Variants in TRPM3 observed in about 807,000 individuals in gnomAD.
TRPM3 encodes the protein long transient receptor potential channel 3.
Under a neutral mutation model 181.2 loss-of-function variants are expected in TRPM3, and 77 were observed. That is an observed-to-expected ratio of 0.42 (90% confidence interval 0.35 to 0.51). The LOEUF (loss-of-function observed/expected upper bound fraction) is 0.51, where lower values mean the gene tolerates loss of function less well. TRPM3 is among the 20% of genes least tolerant of loss of function. The pLI is 0.01. For missense variants in TRPM3, 1,759 were observed against 2,196.7 expected, an observed-to-expected ratio of 0.80 and a Z score of 3.98; for synonymous variants, 745 against 796.4, an observed-to-expected ratio of 0.94 and a Z score of 1.09.
chr9:70,983,909 C>G (rs1466104966), intron 1 of TRPM3, among the ~76,000 whole-genome samples: 1 of 152,140 alleles, frequency 6.6e-6, no homozygotes. Context: ...ACTGGTTACT[C>G]TACATAGCAG....
chr9:71,052,753 C>A (rs11142678), intron 1 of TRPM3, among the ~76,000 whole-genome samples: 1 of 151,972 alleles, frequency 6.6e-6, no homozygotes, highest in Non-Finnish European at 1.5e-5. Context: ...CCCTAGGTAT[C>A]TAGGAGTTTG....
At chr9:70,581,670 A>G (rs2055717773) in intron 22 of TRPM3, among the ~76,000 whole-genome samples, 1 of 152,190 alleles carries the variant, frequency 6.6e-6, no homozygotes, top group Admixed American at 6.5e-5. Flanking sequence ...AGTGGAAATC[A>G]ACCATCTGCC....
At chr9:71,155,485 T>TATTTTATTTTATTTC (rs1565283910) in intron 1 of TRPM3, among the ~76,000 whole-genome samples, 5 of 116,364 alleles carry the variant, frequency 4.3e-5, no homozygotes, top group African/African-American at 1.7e-4. Flanking sequence ...TGCTTATTTT[T>TATTTTATTTTATTTC]ATTTTATTTT....
chr9:70,938,735 G>A (rs533690807), intron 1 of TRPM3, among the ~76,000 whole-genome samples: 8 of 152,064 alleles, frequency 5.3e-5, no homozygotes, highest in Non-Finnish European at 7.4e-5. Flanking sequence ...GGTGGATCAC[G>A]AGGTCAAGAG....
chr9:70,684,641 A>G (rs1216927010), intron 8 of TRPM3, among the ~76,000 whole-genome samples: 1 of 152,188 alleles, frequency 6.6e-6, no homozygotes, highest in East Asian at 1.9e-4. Flanking sequence ...CCTATCACCC[A>G]TCAATGTTGG....
intron 1 of TRPM3, among the ~76,000 whole-genome samples, chr9:70,882,284 T>C (rs1412032083): frequency 2.0e-5 from 3 of 152,150 alleles, no homozygotes; most frequent in Non-Finnish European, 4.4e-5. Flanking sequence ...GACTCCTAGG[T>C]CTGCCATATT....
intron 1 of TRPM3, among the ~76,000 whole-genome samples, chr9:70,947,555 A>C (rs2096948453): frequency 6.6e-6 from 1 of 152,130 alleles, no homozygotes; most frequent in African/African-American, 2.4e-5. Context: ...CATAAAATGC[A>C]CTTTTGCTCT....
chr9:71,283,686 G>A (rs1367720018), intron 1 of TRPM3, among the ~76,000 whole-genome samples: 1 of 152,178 alleles, frequency 6.6e-6, no homozygotes, highest in Non-Finnish European at 1.5e-5. Context: ...GTGGGCACTT[G>A]GGTATCACAA....
chr9:71,147,602 T>C (rs78605844), intron 1 of TRPM3, among the ~76,000 whole-genome samples: 3,518 of 152,276 alleles, frequency 0.023, 133 homozygotes, highest in African/African-American at 0.08. Context: ...GAGATCTGCG[T>C]TGAGTACTGA....
intron 22 of TRPM3, among the ~76,000 whole-genome samples, chr9:70,583,510 G>T (rs1052777878): frequency 6.6e-6 from 1 of 152,170 alleles, no homozygotes; most frequent in Admixed American, 6.5e-5. Flanking sequence ...TGGAACAAGC[G>T]CTAAATTTAA....
chr9:70,617,155 T>C (rs2062903322), intron 17 of TRPM3, among the ~76,000 whole-genome samples: 1 of 152,196 alleles, frequency 6.6e-6, no homozygotes, highest in Admixed American at 6.5e-5. Context: ...GAATTCTGGG[T>C]GCCTGGCCGG....
intron 1 of TRPM3, among the ~76,000 whole-genome samples, chr9:71,199,905 C>T (rs1039726799): frequency 8.6e-5 from 13 of 151,956 alleles, no homozygotes; most frequent in Non-Finnish European, 1.9e-4. Context: ...TATTTCTTGC[C>T]TTCTGCTAGC....
intron 1 of TRPM3, among the ~76,000 whole-genome samples, chr9:71,171,813 C>T (rs61687197): frequency 0.036 from 5,439 of 152,130 alleles, 338 homozygotes; most frequent in African/African-American, 0.12. Context: ...CTGTGTTACG[C>T]GGCAGCTTCA....
At chr9:71,272,820 C>T (rs1391301536) in intron 1 of TRPM3, among the ~76,000 whole-genome samples, 4 of 151,634 alleles carry the variant, frequency 2.6e-5, no homozygotes, top group Admixed American at 6.6e-5. Context: ...AAATAAGAAG[C>T]CAGGATCTAA....
chr9:70,668,953 C>T (rs554430222), intron 9 of TRPM3, among the ~76,000 whole-genome samples: 2 of 152,282 alleles, frequency 1.3e-5, no homozygotes, highest in South Asian at 2.1e-4. Context: ...GCTGGGAAGT[C>T]GGCAGTGATG....
chr9:71,281,333 G>C (rs998152061), intron 1 of TRPM3, among the ~76,000 whole-genome samples: 4 of 152,190 alleles, frequency 2.6e-5, no homozygotes, highest in African/African-American at 7.2e-5. Flanking sequence ...CAGTTCATAA[G>C]CACCTGGACC....
chr9:71,121,282 T>C lies in TRPM3; in HGVS notation c.73A>G (p.Asn25Asp), dbSNP rs752443932. 1 of 1,613,822 alleles carries C rather than the reference T, an allele frequency of 6.2e-7. No individual in the cohort carries two copies. The highest frequency in any genetic ancestry group is 1.1e-5 in the South Asian group (1 of 91,058). The change falls in exon 1 of 26, where the codon AAT (asparagine) becomes GAT (aspartate). Residue 25 changes from asparagine to aspartate, a missense_variant. Asn to Asp is a conservative substitution (Grantham distance 23). Coordinates refer to ENST00000677713, the MANE Select transcript of TRPM3 (RefSeq NM_001366145.2). The stretch of plus-strand genomic sequence containing the variant: ...GCCTGATTCATGACCCCTTCCAAAT[T>C]CCACCAGGAAAACAAGAAACTGAAA... ...QVFSFLFSWWNLEGVMNQADA... is the reference protein window; with the variant it reads ...QVFSFLFSWWDLEGVMNQADA...
At chr9:70,844,849 A>G (rs1290325300) in intron 4 of TRPM3, among the ~76,000 whole-genome samples, 1 of 152,248 alleles carries the variant, frequency 6.6e-6, no homozygotes, top group Non-Finnish European at 1.5e-5. Context: ...TTGAACCTGT[A>G]GAACCCTTTG....
chr9:70,650,645 C>T (rs950949313), intron 9 of TRPM3, among the ~76,000 whole-genome samples: 4 of 152,062 alleles, frequency 2.6e-5, no homozygotes, highest in African/African-American at 9.6e-5. Flanking sequence ...GTTGGATCTC[C>T]ACTTTCTGTC....
Sources: allele counts gnomAD v4.1 joint callset (sites outside exome capture counted in the v4.1 genomes callset), GRCh38; gene constraint gnomAD v4.1.1; transcripts MANE v1.5; gene names NCBI Gene and HGNC (gene_info 2026-07-23, HGNC 2026-07-21).